The following ZSWIM6 variants were observed in gnomAD, a reference collection of about 807,000 sequenced individuals.
The protein encoded by ZSWIM6 is zinc finger SWIM domain-containing protein 6.
Under a neutral mutation model 113.2 loss-of-function variants are expected in ZSWIM6, and 9 were observed. The observed-to-expected ratio is 0.08, with a 90% confidence interval of 0.05 to 0.14. The LOEUF is 0.14. ZSWIM6 is among the 10% of genes least tolerant of loss of function. The pLI is 1.00. For synonymous variants in ZSWIM6, 611 were observed against 606.5 expected (o/e 1.01, Z -0.11); for missense variants, 1,162 against 1,552.2 (o/e 0.75, Z 4.22).
chr5:61,539,555 C>CTTTGA, intron 11 of ZSWIM6, 41 bp from the exon 12 acceptor site: 2 of 1,522,050 alleles, frequency 1.3e-6, no homozygotes, highest in Non-Finnish European at 1.8e-6. Context: ...TCTTGCTTTG[C>CTTTGA]TTTGATTTGG....
At chr5:61,474,745 T>C (rs950755343) in intron 2 of ZSWIM6, among the ~76,000 whole-genome samples, 3 of 152,162 alleles carry the variant, frequency 2.0e-5, no homozygotes, top group Non-Finnish European at 2.9e-5. Flanking sequence ...TTGTTCATTT[T>C]TGATAGGCCT....
chr5:61,450,920 C>A (rs1407883862), intron 1 of ZSWIM6, among the ~76,000 whole-genome samples: 1 of 152,064 alleles, frequency 6.6e-6, no homozygotes, highest in African/African-American at 2.4e-5. Flanking sequence ...TGTAATTTTT[C>A]TTTATTAAAT....
intron 1 of ZSWIM6, chr5:61,391,128 C>G: frequency 1.3e-6 from 1 of 763,498 alleles, no homozygotes; most frequent in Admixed American, 1.7e-5. Flanking sequence ...CCACTTTGCA[C>G]AGGCCTCGAT....
intron 1 of ZSWIM6, 60 bp downstream of exon 1, chr5:61,333,008 G>GGGGGC: frequency 2.0e-6 from 1 of 498,936 alleles, no homozygotes; most frequent in Non-Finnish European, 2.8e-6. Context: ...GTGGGGGGGG[G>GGGGGC]GTGCCCGCCT....
rs139617636 is a variant in ZSWIM6, at chr5:61,351,150, T to G, written c.676+18202T>G. On this transcript the variant is annotated intron_variant, in intron 1 of 13. Transcript: ENST00000252744. Reference sequence around the variant, plus strand: ...ATCTAGTGCAGCTAAACAGAGCATGTTTTTTATTCATCGAGGTGTATCATG... The same window carrying G: ...ATCTAGTGCAGCTAAACAGAGCATGGTTTTTATTCATCGAGGTGTATCATG... 3.3e-5 allele frequency among the ~76,000 whole-genome samples: 5 copies of G among 152,344 alleles called. No individual in the cohort carries two copies. In the East Asian group the frequency reaches 7.7e-4, roughly 23 times the overall value.
intron 1 of ZSWIM6, among the ~76,000 whole-genome samples, chr5:61,372,030 T>C (rs1745276200): frequency 6.6e-6 from 1 of 152,100 alleles, no homozygotes. Flanking sequence ...TTTTTGTTGA[T>C]TTATTATCTT....
intron 1 of ZSWIM6, among the ~76,000 whole-genome samples, chr5:61,446,610 A>G (rs1167400811): frequency 2.0e-5 from 3 of 152,196 alleles, no homozygotes; most frequent in Admixed American, 6.5e-5. Flanking sequence ...AGAGACAAAT[A>G]TAAAACCCAG....
intron 1 of ZSWIM6, among the ~76,000 whole-genome samples, chr5:61,335,410 C>T (rs889594813): frequency 1.3e-5 from 2 of 152,250 alleles, no homozygotes; most frequent in African/African-American, 4.8e-5. Context: ...GCAGCTGGCA[C>T]TGAGAGATAG....
At chr5:61,531,781 C>A in intron 9 of ZSWIM6, 56 bp downstream of exon 9, 4 of 1,526,174 alleles carry the variant, frequency 2.6e-6, no homozygotes, top group Non-Finnish European at 2.7e-6. Context: ...AGGTGCTAAT[C>A]TTTCTTATGT....
In ZSWIM6 at chr5:61,421,902, C is replaced by T. The variant is rs547873446; in HGVS notation, c.677-50779C>T. On this transcript the variant is annotated intron_variant, in intron 1 of 13. Transcript: ENST00000252744. Reference sequence around the variant, plus strand: ...TCATCAATGTTGCCCATTTTTTAATCGATTAGATTTTTTCCTCTAGGGTTG... The same window carrying T: ...TCATCAATGTTGCCCATTTTTTAATTGATTAGATTTTTTCCTCTAGGGTTG... 4.1e-4 allele frequency among the ~76,000 whole-genome samples: 62 copies of T among 152,100 alleles called. 1 individual carries two copies. The highest frequency in any genetic ancestry group is 3.9e-3 in the South Asian group (19 of 4,824).
chr5:61,543,271 T>G lies in ZSWIM6; in HGVS notation c.2786-184T>G, dbSNP rs1345486924. Among the ~76,000 whole-genome samples, 1 of 152,206 alleles carries G rather than the reference T, an allele frequency of 6.6e-6. No individual in the cohort carries two copies. Among genetic ancestry groups the G allele is most frequent in the Non-Finnish European group, 1.5e-5 (1 of 68,034 alleles). ...TGTTCCTTTCAGGCATTTCACTGAA[T>G]AACAATTCATAATGACCTTATTCTT... On this transcript the variant is annotated intron_variant, in intron 13 of 13. Coordinates refer to ENST00000252744, the MANE Select transcript of ZSWIM6 (RefSeq NM_020928.2). The surrounding 1 kb of genome is among the most constrained non-coding windows in gnomAD (Gnocchi z 4.3).
intron 4 of ZSWIM6, among the ~76,000 whole-genome samples, chr5:61,499,123 T>C (rs1271435907): frequency 6.6e-6 from 1 of 152,198 alleles, no homozygotes; most frequent in Non-Finnish European, 1.5e-5. Context: ...ACCTCTTTGC[T>C]AGTACCATGA....
intron 1 of ZSWIM6, chr5:61,375,524 G>T (rs1276716726): frequency 6.4e-7 from 1 of 1,552,252 alleles, no homozygotes; most frequent in South Asian, 1.2e-5. Context: ...AAGAAGAACC[G>T]TTCACATAAA....
intron 7 of ZSWIM6, among the ~76,000 whole-genome samples, chr5:61,529,026 A>G (rs10045925): frequency 0.025 from 3,790 of 152,278 alleles, 70 homozygotes; most frequent in Middle Eastern, 0.051. Context: ...TGTAAATTTT[A>G]TTATGTTTTC....
chr5:61,536,631 C>G (rs1749580442), intron 10 of ZSWIM6, among the ~76,000 whole-genome samples: 1 of 152,086 alleles, frequency 6.6e-6, no homozygotes, highest in African/African-American at 2.4e-5. Context: ...TACCAGTGTC[C>G]CCAAAGTTAC....
At chr5:61,501,773 T>G (rs1476594281) in intron 4 of ZSWIM6, among the ~76,000 whole-genome samples, 1 of 152,222 alleles carries the variant, frequency 6.6e-6, no homozygotes, top group Non-Finnish European at 1.5e-5. Context: ...GTTACTTTCT[T>G]TTATGTCATC....
Position 61,397,517 on chromosome 5 carries a change from A to T in ZSWIM6, c.676+64569A>T, listed in dbSNP as rs1017510567. Reference sequence around the variant, plus strand: ...GTCCTCCAGGGACTGTGGCATGCACAGCCCATCAGTGACAGCCAAGTAGTT... The same window carrying T: ...GTCCTCCAGGGACTGTGGCATGCACTGCCCATCAGTGACAGCCAAGTAGTT... On this transcript the variant is annotated intron_variant, in intron 1 of 13. Coordinates refer to ENST00000252744, the MANE Select transcript of ZSWIM6 (RefSeq NM_020928.2). 5.9e-5 allele frequency among the ~76,000 whole-genome samples: 9 copies of T among 152,100 alleles called. No homozygotes were observed. The East Asian group carries it at 1.5e-3, about 26-fold the overall frequency.
intron 1 of ZSWIM6, among the ~76,000 whole-genome samples, chr5:61,450,503 A>T (rs1345531263): frequency 6.6e-6 from 1 of 152,238 alleles, no homozygotes; most frequent in Non-Finnish European, 1.5e-5. Flanking sequence ...GCCACAAAAA[A>T]GTATACACTT....
At chr5:61,441,333 G>A (rs7720506) in intron 1 of ZSWIM6, among the ~76,000 whole-genome samples, 151,690 of 152,254 alleles carry the variant, frequency 1, 75,564 homozygotes, top group East Asian at 1. Context: ...GTTAGTCTCC[G>A]GCCAGTTCAT....
Sources: gnomAD v4.1 joint callset for allele counts (sites outside exome capture counted in the v4.1 genomes callset) on GRCh38, gnomAD v4.1.1 for gene constraint, Gnocchi (gnomAD v3.1) non-coding constraint, MANE v1.5 for transcripts, NCBI Gene and HGNC (gene_info 2026-07-23, HGNC 2026-07-21) for gene names.